Variants in CCSER2 observed in about 807,000 individuals in gnomAD.
The protein encoded by CCSER2 is coiled-coil serine rich protein 2, also known as serine-rich coiled-coil domain-containing protein 2.
A neutral mutation model predicts 92.3 loss-of-function variants in CCSER2; 46 were observed. The ratio of observed to expected loss-of-function variants is 0.50; its 90% CI spans 0.39 to 0.64. CCSER2 has a LOEUF of 0.64. Among genes scored for constraint, CCSER2 ranks in the 30% least tolerant of loss-of-function variants. CCSER2 has a pLI of 0.00. For missense variants in CCSER2, 1,244 were observed against 1,238.9 expected, an observed-to-expected ratio of 1.00 and a Z score of -0.06; for synonymous variants, 433 against 431.4, an observed-to-expected ratio of 1.00 and a Z score of -0.04.
intron 3 of CCSER2, among the ~76,000 whole-genome samples, chr10:84,398,737 C>T (rs1326261463): frequency 6.6e-6 from 1 of 151,988 alleles, no homozygotes; most frequent in African/African-American, 2.4e-5. Context: ...AGTCTACCCT[C>T]TTTGGTTAAT....
chr10:84,516,223 A>T lies in CCSER2; in HGVS notation c.*1956A>T, dbSNP rs576762914. 1.1e-4 allele frequency: 16 copies of T among 152,364 alleles called. No individual in the cohort carries two copies. The highest frequency in any genetic ancestry group is 3.8e-4 in the African/African-American group (16 of 41,588). The allele number at this position is 152,364 out of a possible 1,614,324, so 9.4% of individuals were successfully genotyped here. A position where few individuals can be genotyped will look rare whatever the true frequency, so the allele number is the denominator to read the frequency against. On this transcript the variant is annotated 3_prime_UTR_variant, in exon 10 of 10. Transcript: ENST00000372088. Reference sequence around the variant, plus strand: ...CCCTTACCTATCAGATGAATTTGCCATTCACTGGATAGAAACCATTCTTGG... The same window carrying T: ...CCCTTACCTATCAGATGAATTTGCCTTTCACTGGATAGAAACCATTCTTGG...
chr10:84,491,817 C>G (rs2350731), intron 9 of CCSER2, among the ~76,000 whole-genome samples: 86,155 of 152,022 alleles, frequency 0.57, 27,108 homozygotes, highest in East Asian at 0.74. Flanking sequence ...GAAATCACCC[C>G]TCTTCTGGGT....
rs563354289 is a variant in CCSER2 at position 84,487,554 on chromosome 10, T to A, written c.2325+9890T>A. Among the ~76,000 whole-genome samples the A allele has an allele frequency of 1.2e-4, 18 of 152,326 alleles. No homozygotes were observed. In the South Asian group the frequency reaches 2.3e-3, roughly 19 times the overall value. On this transcript the variant is annotated intron_variant, in intron 9 of 9. Transcript: ENST00000372088. ...GATTTGGCTCTCTGTCTGTTATTGG[T>A]GTATAAGAATGCTTGTGATTTTTGC...
intron 5 of CCSER2, among the ~76,000 whole-genome samples, chr10:84,435,638 C>CAAAAAAAAA: frequency 9.4e-6 from 1 of 106,838 alleles, no homozygotes; most frequent in South Asian, 3.1e-4. Flanking sequence ...CCATTCAGTG[C>CAAAAAAAAA]AAAAAAAAAA....
chr10:84,492,329 A>G (rs559290050), intron 9 of CCSER2, among the ~76,000 whole-genome samples: 3 of 151,366 alleles, frequency 2.0e-5, no homozygotes, highest in Non-Finnish European at 2.9e-5. Flanking sequence ...TTGACCTTGT[A>G]TTTTGTGAAC....
At chr10:84,480,910 A>G (rs1847419760) in intron 9 of CCSER2, among the ~76,000 whole-genome samples, 1 of 152,196 alleles carries the variant, frequency 6.6e-6, no homozygotes, top group Non-Finnish European at 1.5e-5. Flanking sequence ...TTTTTACTAA[A>G]CCAAAATGAA....
Position 84,505,267 on chromosome 10 carries a change from G to C in CCSER2, c.2326-8182G>C, listed in dbSNP as rs531679575. Among the ~76,000 whole-genome samples, 9 of 152,200 alleles carry C rather than the reference G, an allele frequency of 5.9e-5. No individual in the cohort carries two copies. The South Asian group carries it at 1.9e-3, about 32-fold the overall frequency. On this transcript the variant is annotated intron_variant, in intron 9 of 9. Coordinates refer to ENST00000372088, the MANE Select transcript of CCSER2 (RefSeq NM_001284240.2). ...CATTAATGTCGTTTCTAGTTACAGA[G>C]AGGAATATTGGTAAGCAGTTTATCT...
intron 9 of CCSER2, among the ~76,000 whole-genome samples, chr10:84,489,561 C>T (rs942784258): frequency 3.3e-5 from 5 of 151,984 alleles, no homozygotes; most frequent in Non-Finnish European, 5.9e-5. Flanking sequence ...GGATTGCAAC[C>T]CCTAACTTTT....
intron 9 of CCSER2, among the ~76,000 whole-genome samples, chr10:84,503,460 G>C (rs897959582): frequency 3.3e-5 from 5 of 152,074 alleles, no homozygotes. Context: ...AACTGGCATT[G>C]GTGTAGTCTT....
At chr10:84,459,528 T>TG (rs1564688234) in intron 6 of CCSER2, among the ~76,000 whole-genome samples, 1 of 151,946 alleles carries the variant, frequency 6.6e-6, no homozygotes, top group African/African-American at 2.4e-5. Context: ...GGTTTGGTTT[T>TG]GGGGGGGAAT....
chr10:84,365,487 G>T (rs1291410321), intron 1 of CCSER2, among the ~76,000 whole-genome samples: 2 of 152,210 alleles, frequency 1.3e-5, no homozygotes, highest in African/African-American at 4.8e-5. Context: ...TGTCAGACTA[G>T]TTTATCTTAA....
At chr10:84,505,064 ATAT>A (rs1233020715) in intron 9 of CCSER2, among the ~76,000 whole-genome samples, 2 of 152,146 alleles carry the variant, frequency 1.3e-5, no homozygotes, top group Non-Finnish European at 2.9e-5. Flanking sequence ...AGTCTTTTAA[ATAT>A]TATGTTATAA....
chr10:84,412,083 T>C (rs1178850988), intron 3 of CCSER2, among the ~76,000 whole-genome samples: 1 of 152,192 alleles, frequency 6.6e-6, no homozygotes, highest in East Asian at 1.9e-4. Context: ...GTTTTTGTCT[T>C]TAGTTTTGTT....
At chr10:84,366,473 T>C (rs192922639) in intron 1 of CCSER2, among the ~76,000 whole-genome samples, 13 of 152,276 alleles carry the variant, frequency 8.5e-5, no homozygotes, top group Non-Finnish European at 1.8e-4. Context: ...TTCCTGTGGG[T>C]CAAATAGACA....
intron 1 of CCSER2, among the ~76,000 whole-genome samples, chr10:84,359,099 A>G (rs1845358903): frequency 6.6e-6 from 1 of 152,124 alleles, no homozygotes; most frequent in Non-Finnish European, 1.5e-5. Flanking sequence ...AGGAATATCT[A>G]ATTTTCAGGA....
intron 3 of CCSER2, among the ~76,000 whole-genome samples, chr10:84,379,514 T>A (rs1003504569): frequency 3.3e-5 from 5 of 152,198 alleles, no homozygotes; most frequent in Admixed American, 1.3e-4. Context: ...CCTTTCTCCC[T>A]TCTCTGGCAT....
chr10:84,462,825 A>G (rs1846181688), intron 6 of CCSER2, among the ~76,000 whole-genome samples: 1 of 152,228 alleles, frequency 6.6e-6, no homozygotes, highest in Non-Finnish European at 1.5e-5. Context: ...TAAGAAGAAA[A>G]TAACCTGCAT....
chr10:84,465,247 G>A (rs1366969814), intron 7 of CCSER2, among the ~76,000 whole-genome samples: 774 of 8,854 alleles, frequency 0.087, 12 homozygotes, highest in African/African-American at 0.29. Flanking sequence ...ATTTGTGTGT[G>A]TGTGTGTGTG....
At chr10:84,444,334 G>A (rs1270714186) in intron 6 of CCSER2, among the ~76,000 whole-genome samples, 2 of 152,104 alleles carry the variant, frequency 1.3e-5, no homozygotes, top group Non-Finnish European at 2.9e-5. Flanking sequence ...TGTAGAAAAT[G>A]AATAGCAGAG....
Sources: gnomAD v4.1 joint callset for allele counts (sites outside exome capture counted in the v4.1 genomes callset) on GRCh38, gnomAD v4.1.1 for gene constraint, MANE v1.5 for transcripts, NCBI Gene and HGNC (gene_info 2026-07-23, HGNC 2026-07-21) for gene names.